RGS17: variants seen among roughly 807,000 people sequenced by gnomAD.
RGS17 encodes regulator of G protein signaling 17.
In RGS17, 12 loss-of-function variants were observed where a neutral mutation model predicts 25.5. The observed-to-expected ratio is 0.47, with a 90% CI of 0.30 to 0.76. RGS17 has a LOEUF of 0.76. Among genes scored for constraint, RGS17 ranks in the 30% least tolerant of loss-of-function variants. The pLI is 0.07. For synonymous variants in RGS17, 71 were observed against 76.9 expected, an observed-to-expected ratio of 0.92 and a Z score of 0.40; for missense variants, 196 against 242.2, an observed-to-expected ratio of 0.81 and a Z score of 1.27.
chr6:153,100,303 T>C (rs188022836), intron 1 of RGS17, among the ~76,000 whole-genome samples: 25 of 152,220 alleles, frequency 1.6e-4, no homozygotes, highest in African/African-American at 5.3e-4. Flanking sequence ...ATTCATCACA[T>C]AGTTTATCTG....
At chr6:153,028,389 T>G (rs974576965) in intron 2 of RGS17, among the ~76,000 whole-genome samples, 14 of 152,156 alleles carry the variant, frequency 9.2e-5, no homozygotes, top group African/African-American at 2.7e-4. Flanking sequence ...AGTGTAATTT[T>G]GGGGAGGAAT....
intron 2 of RGS17, among the ~76,000 whole-genome samples, chr6:153,027,982 C>T (rs1222857976): frequency 2.0e-5 from 3 of 152,086 alleles, no homozygotes; most frequent in Non-Finnish European, 4.4e-5. Flanking sequence ...CAAGTGCAAG[C>T]GTGAGGACGG....
At chr6:153,058,715 G>A (rs1055905487) in intron 1 of RGS17, among the ~76,000 whole-genome samples, 2 of 152,168 alleles carry the variant, frequency 1.3e-5, no homozygotes, top group African/African-American at 2.4e-5. Flanking sequence ...TTTTTCCTGT[G>A]AGGAAAAGCA....
chr6:153,083,700 GC>G (rs1273488228), intron 1 of RGS17, among the ~76,000 whole-genome samples: 1 of 152,136 alleles, frequency 6.6e-6, no homozygotes, highest in African/African-American at 2.4e-5. Context: ...GTAAAGTATT[GC>G]TACCACATCA....
At chr6:153,095,022 T>C (rs558404581) in intron 1 of RGS17, among the ~76,000 whole-genome samples, 69 of 152,268 alleles carry the variant, frequency 4.5e-4, no homozygotes, top group African/African-American at 1.4e-3. Context: ...TAATGATGCA[T>C]AATCTCAGAT....
intron 1 of RGS17, among the ~76,000 whole-genome samples, chr6:153,057,061 C>A (rs1776571447): frequency 6.6e-6 from 1 of 152,018 alleles, no homozygotes; most frequent in Admixed American, 6.6e-5. Flanking sequence ...CTGAATGGTG[C>A]TCCTCATCCT....
chr6:153,115,459 T>C (rs1777530634), intron 1 of RGS17, among the ~76,000 whole-genome samples: 1 of 152,186 alleles, frequency 6.6e-6, no homozygotes, highest in Non-Finnish European at 1.5e-5. Context: ...TCCATGATCA[T>C]GGATAGGAAA....
In RGS17 at chr6:153,119,461, C is replaced by T. The variant is rs376645941; in HGVS notation, c.-26+11663G>A. Among the ~76,000 whole-genome samples, 55 of 152,240 alleles carry T rather than the reference C, an allele frequency of 3.6e-4. 7 individuals are homozygous for T. Among genetic ancestry groups the T allele is most frequent in the Admixed American group, 2.1e-3 (32 of 15,292 alleles). Reference sequence around the variant, plus strand: ...ATCCCAGCACTTTGGGAGGCTGAGGCGGGTGGATCGCCTGAGGTCGGAGTT... The same window carrying T: ...ATCCCAGCACTTTGGGAGGCTGAGGTGGGTGGATCGCCTGAGGTCGGAGTT... On this transcript the variant is annotated intron_variant, in intron 1 of 4. Transcript: ENST00000206262.
intron 2 of RGS17, among the ~76,000 whole-genome samples, chr6:153,027,682 G>A (rs536667865): frequency 6.2e-4 from 94 of 152,224 alleles, no homozygotes; most frequent in African/African-American, 1.2e-3. Flanking sequence ...GTGCAGACCC[G>A]TCTGGGAGGC....
intron 1 of RGS17, among the ~76,000 whole-genome samples, chr6:153,105,010 G>A (rs1413285268): frequency 6.6e-6 from 1 of 152,166 alleles, no homozygotes; most frequent in African/African-American, 2.4e-5. Flanking sequence ...AGGCTGGATG[G>A]CCAGAGCAGA....
chr6:153,084,901 T>A (rs1443162400), intron 1 of RGS17, among the ~76,000 whole-genome samples: 1 of 152,230 alleles, frequency 6.6e-6, no homozygotes, highest in Non-Finnish European at 1.5e-5. Context: ...AGAAAAAGAC[T>A]TAAAAATTGT....
At chr6:153,123,710 G>A (rs959317823) in intron 1 of RGS17, among the ~76,000 whole-genome samples, 6 of 152,152 alleles carry the variant, frequency 3.9e-5, no homozygotes, top group Non-Finnish European at 7.3e-5. Flanking sequence ...AGCAGTATCA[G>A]GAAAAAATTC....
At chr6:153,128,402 G>GCAT (rs1777736470) in intron 1 of RGS17, among the ~76,000 whole-genome samples, 1 of 152,174 alleles carries the variant, frequency 6.6e-6, no homozygotes, top group Admixed American at 6.5e-5. Context: ...TGGTTGAATG[G>GCAT]ACTCCCAGCC....
At chr6:153,105,017 C>T (rs1384733260) in intron 1 of RGS17, among the ~76,000 whole-genome samples, 1 of 152,020 alleles carries the variant, frequency 6.6e-6, no homozygotes, top group Non-Finnish European at 1.5e-5. Flanking sequence ...ATGGCCAGAG[C>T]AGAATCAGAA....
intron 1 of RGS17, among the ~76,000 whole-genome samples, chr6:153,077,034 C>T (rs539539846): frequency 3.9e-4 from 59 of 152,190 alleles, no homozygotes; most frequent in Middle Eastern, 3.4e-3. Flanking sequence ...TTTTAGAAAA[C>T]ATCACTAATG....
chr6:153,113,862 A>G (rs749883247), intron 1 of RGS17, among the ~76,000 whole-genome samples: 27 of 152,348 alleles, frequency 1.8e-4, no homozygotes, highest in Non-Finnish European at 3.2e-4. Context: ...GCAGAAATAA[A>G]TAAGTTCTTT....
intron 1 of RGS17, among the ~76,000 whole-genome samples, chr6:153,122,036 CATA>C (rs1309468884): frequency 6.6e-6 from 1 of 152,136 alleles, no homozygotes; most frequent in Non-Finnish European, 1.5e-5. Flanking sequence ...AGCAGAGTTA[CATA>C]ATAACGTATT....
rs193116742 is a variant in RGS17, at chr6:153,026,491, T to C, written c.172A>G (p.Thr58Ala). 3.7e-6 allele frequency: 6 copies of C among 1,613,146 alleles called. No individual in the cohort carries two copies. The highest frequency in any genetic ancestry group is 1.7e-4 in the Middle Eastern group (1 of 6,052). Residue 58 changes from threonine (T) to alanine (A), a missense_variant, in exon 3 of 5, where the codon ACT (threonine) becomes GCT (alanine). This residue lies in a region of RGS17 where 179 missense variants were observed against 197.6 expected (regional missense o/e 0.91). Transcript: ENST00000206262. ...RGENAGRPTH[T>A]TKMESIQVLE... is the part of the protein sequence containing the mutation. The stretch of plus-strand genomic sequence containing the variant: ...ACCTGGATACTCTCCATTTTTGTAG[T>C]GTGTGTGGGTCTTCCCGCATTTTCC...
intron 1 of RGS17, among the ~76,000 whole-genome samples, chr6:153,092,542 C>CTAA (rs1175153591): frequency 1.3e-5 from 2 of 152,206 alleles, no homozygotes; most frequent in Non-Finnish European, 2.9e-5. Flanking sequence ...CCCATCTTTA[C>CTAA]TCATTCTGCC....
Sources: allele counts gnomAD v4.1 joint callset (sites outside exome capture counted in the v4.1 genomes callset), GRCh38; gene constraint gnomAD v4.1.1; regional missense constraint gnomAD v4.1.1; transcripts MANE v1.5; gene names NCBI Gene and HGNC (gene_info 2026-07-23, HGNC 2026-07-21).